VWA8: variants seen among roughly 807,000 people sequenced by gnomAD.
VWA8 encodes von Willebrand factor A domain containing 8, also known as von Willebrand factor A domain-containing protein 8.
In VWA8, 221 loss-of-function variants were observed where a neutral mutation model predicts 241.5. The ratio of observed to expected loss-of-function variants is 0.91; its 90% confidence interval spans 0.82 to 1.02. The LOEUF (loss-of-function observed/expected upper bound fraction) is 1.02. Ranked by LOEUF, VWA8 falls within the 50% of genes least tolerant of loss-of-function variation. The probability of loss-of-function intolerance (pLI) is 0.00; values close to 1 mark genes in which losing one functional copy is unlikely to be tolerated. For synonymous variants in VWA8, 852 were observed against 827.1 expected (o/e 1.03, Z -0.52); for missense variants, 2,322 against 2,328.7 (o/e 1.00, Z 0.06).
intron 37 of VWA8, among the ~76,000 whole-genome samples, chr13:41,617,066 C>T (rs976934966): frequency 1.3e-5 from 2 of 151,850 alleles, no homozygotes; most frequent in Admixed American, 1.3e-4. Flanking sequence ...GGTATGATTA[C>T]AGTCTAAATT....
intron 20 of VWA8, among the ~76,000 whole-genome samples, chr13:41,772,593 C>T (rs1321974785): frequency 2.0e-5 from 3 of 152,136 alleles, no homozygotes; most frequent in Admixed American, 1.3e-4. Context: ...CTAAGTGACC[C>T]TCAAACATGT....
intron 18 of VWA8, among the ~76,000 whole-genome samples, chr13:41,785,802 C>T (rs1185247408): frequency 1.3e-5 from 2 of 151,816 alleles, no homozygotes; most frequent in Non-Finnish European, 2.9e-5. Context: ...CAGTATAAAA[C>T]TGTAAAGGGA....
chr13:41,664,405 G>C (rs918081410), intron 37 of VWA8, among the ~76,000 whole-genome samples: 1 of 151,348 alleles, frequency 6.6e-6, no homozygotes, highest in Non-Finnish European at 1.5e-5. Flanking sequence ...GTGTGTGTGT[G>C]TGTGTGTGTG....
intron 38 of VWA8, 72 bp downstream of exon 38, chr13:41,614,904 G>A (rs964783647): frequency 2.3e-5 from 33 of 1,447,790 alleles, no homozygotes; most frequent in Non-Finnish European, 2.9e-5. Flanking sequence ...TCTTCTCAGG[G>A]GCGATGTGCT....
intron 42 of VWA8, among the ~76,000 whole-genome samples, chr13:41,586,770 A>G (rs745395726): frequency 9.9e-5 from 15 of 152,182 alleles, no homozygotes; most frequent in Non-Finnish European, 1.9e-4. Flanking sequence ...CTGTCTATGG[A>G]CTGTGTGTCC....
chr13:41,661,701 CAATG>C (rs1307675128), intron 37 of VWA8, among the ~76,000 whole-genome samples: 1 of 152,058 alleles, frequency 6.6e-6, no homozygotes, highest in Non-Finnish European at 1.5e-5. Context: ...GTAATTACAA[CAATG>C]AATGATGACA....
At chr13:41,682,771 C>T (rs927816129) in intron 35 of VWA8, among the ~76,000 whole-genome samples, 2 of 151,758 alleles carry the variant, frequency 1.3e-5, no homozygotes, top group African/African-American at 2.4e-5. Flanking sequence ...AAGGAATGCT[C>T]GAAACTCATT....
chr13:41,776,831 G>A (rs1868618163), intron 20 of VWA8, among the ~76,000 whole-genome samples: 1 of 152,064 alleles, frequency 6.6e-6, no homozygotes, highest in African/African-American at 2.4e-5. Context: ...CTAAGCCTAT[G>A]CACTCAAATC....
intron 2 of VWA8, among the ~76,000 whole-genome samples, chr13:41,943,791 T>C (rs556549092): frequency 1.7e-4 from 26 of 152,206 alleles, no homozygotes; most frequent in African/African-American, 6.0e-4. Context: ...TCACTGTTCA[T>C]CAGAGAAATG....
At chr13:41,848,215 A>G (rs1234083880) in intron 12 of VWA8, among the ~76,000 whole-genome samples, 3 of 152,220 alleles carry the variant, frequency 2.0e-5, no homozygotes, top group Non-Finnish European at 4.4e-5. Flanking sequence ...TTGCTACTCC[A>G]TGGAAGACAC....
intron 26 of VWA8, 26 bp from the exon 27 acceptor site, chr13:41,703,437 A>G (rs754439363): frequency 1.4e-5 from 22 of 1,602,068 alleles, no homozygotes; most frequent in African/African-American, 2.7e-5. Context: ...TGCAAAGTAA[A>G]TATTTCTTAT....
chr13:41,822,790 C>CAT (rs1242032851), intron 14 of VWA8, among the ~76,000 whole-genome samples: 3 of 152,136 alleles, frequency 2.0e-5, no homozygotes, highest in Non-Finnish European at 2.9e-5. Context: ...AACAAACTAT[C>CAT]AATGTACATA....
At chr13:41,929,043 TA>T (rs1876981086) in intron 2 of VWA8, among the ~76,000 whole-genome samples, 2 of 150,782 alleles carry the variant, frequency 1.3e-5, no homozygotes, top group Non-Finnish European at 2.9e-5. Flanking sequence ...TCTTCACAGA[TA>T]GAAAAAACAA....
chr13:41,569,738 G>A (rs540948100), intron 44 of VWA8, among the ~76,000 whole-genome samples: 198 of 150,206 alleles, frequency 1.3e-3, no homozygotes, highest in African/African-American at 4.7e-3. Flanking sequence ...CTTTCTGTTT[G>A]TAATTCAAAA....
chr13:41,598,242 C>A (rs2044500710), intron 40 of VWA8, among the ~76,000 whole-genome samples: 1 of 151,994 alleles, frequency 6.6e-6, no homozygotes, highest in Admixed American at 6.6e-5. Context: ...TAAATTGTTA[C>A]ACTTTTACTT....
chr13:41,571,382 C>T (rs373244405), intron 43 of VWA8, among the ~76,000 whole-genome samples: 2 of 134,322 alleles, frequency 1.5e-5, no homozygotes, highest in East Asian at 2.3e-4. Context: ...CCCTCTGATG[C>T]CACCAAAGTT....
At chr13:41,568,853 T>C (rs2044280765) in intron 44 of VWA8, among the ~76,000 whole-genome samples, 1 of 152,246 alleles carries the variant, frequency 6.6e-6, no homozygotes, top group Non-Finnish European at 1.5e-5. Flanking sequence ...ACTGCTTCAA[T>C]GACACTGAGG....
chr13:41,941,762 A>G (rs1458659541), intron 2 of VWA8, among the ~76,000 whole-genome samples: 4 of 152,208 alleles, frequency 2.6e-5, no homozygotes, highest in Non-Finnish European at 5.9e-5. Context: ...CACATTTCAT[A>G]TATGCTATTT....
intron 37 of VWA8, among the ~76,000 whole-genome samples, chr13:41,617,566 T>A (rs2044629282): frequency 6.6e-6 from 1 of 152,224 alleles, no homozygotes; most frequent in African/African-American, 2.4e-5. Flanking sequence ...AGTATACACA[T>A]GCCATGTTGG....
Sources: gnomAD v4.1 joint callset for allele counts (sites outside exome capture counted in the v4.1 genomes callset) on GRCh38, gnomAD v4.1.1 for gene constraint, MANE v1.5 for transcripts, NCBI Gene and HGNC (gene_info 2026-07-23, HGNC 2026-07-21) for gene names.